Variants in SERPINB8 observed in about 807,000 individuals in gnomAD.
SERPINB8 encodes serpin family B member 8, also known as serpin B8.
Under a neutral mutation model 35.3 loss-of-function variants are expected in SERPINB8, and 25 were observed. The observed-to-expected ratio is 0.71, with a 90% CI of 0.52 to 0.99. SERPINB8 has a LOEUF of 0.99. Ranked by LOEUF, SERPINB8 falls within the 50% of genes least tolerant of loss-of-function variation. The probability of loss-of-function intolerance (pLI) is 0.00; values close to 1 mark genes in which losing one functional copy is unlikely to be tolerated. For synonymous variants in SERPINB8, 186 were observed against 160.8 expected (o/e 1.16, Z -1.19); for missense variants, 484 against 446.5 (o/e 1.08, Z -0.76).
Position 63,987,291 on chromosome 18 carries a change from G to T in SERPINB8, c.*13G>T. On this transcript the variant is annotated 3_prime_UTR_variant, in exon 7 of 7. Transcript: ENST00000397985. ...CTCTTCTCCGTAAAGAGGAGCAATTGCTGTACATACCCTCCTTTCCTTCTA... is the reference window on the plus strand; with the variant it reads ...CTCTTCTCCGTAAAGAGGAGCAATTTCTGTACATACCCTCCTTTCCTTCTA... The T allele has an allele frequency of 6.2e-7, 1 of 1,601,584 alleles. No homozygotes were observed. The highest frequency in any genetic ancestry group is 8.5e-7 in the Non-Finnish European group (1 of 1,172,816).
intron 1 of SERPINB8, among the ~76,000 whole-genome samples, chr18:63,971,500 C>T (rs1161281738): frequency 6.6e-6 from 1 of 152,198 alleles, no homozygotes; most frequent in Non-Finnish European, 1.5e-5. Context: ...CAGTGGTTCA[C>T]GACCCACCCT....
intron 1 of SERPINB8, among the ~76,000 whole-genome samples, chr18:64,000,590 G>A (rs1169366263): frequency 6.6e-6 from 1 of 152,166 alleles, no homozygotes; most frequent in Non-Finnish European, 1.5e-5. Flanking sequence ...CATGCCCTGT[G>A]CCTACCTGCA....
downstream of SERPINB8, among the ~76,000 whole-genome samples, chr18:64,006,982 G>T (rs2050902847): frequency 6.6e-6 from 1 of 151,752 alleles, no homozygotes; most frequent in African/African-American, 2.4e-5. Flanking sequence ...AAAAATAAAA[G>T]AAGATACTTA....
chr18:64,011,153 T>C (rs1258961752), intron 7 of SERPINB8, among the ~76,000 whole-genome samples: 1 of 152,018 alleles, frequency 6.6e-6, no homozygotes, highest in Non-Finnish European at 1.5e-5. Context: ...GACAAAAATC[T>C]TTTAGATTGG....
intron 1 of SERPINB8, among the ~76,000 whole-genome samples, chr18:64,003,261 T>C: frequency 6.6e-6 from 1 of 151,890 alleles, no homozygotes; most frequent in East Asian, 1.9e-4. Flanking sequence ...GTTTGCCTGG[T>C]AGAGGAGCTG....
At chr18:64,015,132 G>A (rs990196296) in intron 7 of SERPINB8, among the ~76,000 whole-genome samples, 1 of 152,088 alleles carries the variant, frequency 6.6e-6, no homozygotes, top group African/African-American at 2.4e-5. Context: ...TTGTCCCTGT[G>A]GCTGTTGTCA....
downstream of SERPINB8, among the ~76,000 whole-genome samples, chr18:63,994,054 A>T (rs2050837030): frequency 6.6e-6 from 1 of 151,850 alleles, no homozygotes; most frequent in Non-Finnish European, 1.5e-5. Flanking sequence ...TCCTTCCCCC[A>T]TCCCATCCCT....
At chr18:64,005,172 A>G (rs1385102903) in exon 2 of SERPINB8, 1 of 246,990 alleles carries the variant, frequency 4.0e-6, no homozygotes, top group African/African-American at 2.2e-5. Context: ...CAACTCTACC[A>G]AAGTAGGTAA....
At chr18:64,008,890 G>C (rs2050912991), downstream of SERPINB8, among the ~76,000 whole-genome samples, 1 of 152,098 alleles carries the variant, frequency 6.6e-6, no homozygotes, top group Non-Finnish European at 1.5e-5. Flanking sequence ...CAGTGCTTCA[G>C]TCTCCTAATC....
At chr18:64,008,092 A>C (rs2050908713), downstream of SERPINB8, among the ~76,000 whole-genome samples, 1 of 152,214 alleles carries the variant, frequency 6.6e-6, no homozygotes, top group South Asian at 2.1e-4. Context: ...AACATTTAAA[A>C]ATGAATTTTT....
At chr18:63,975,446 A>G (rs2050566565) in intron 1 of SERPINB8, among the ~76,000 whole-genome samples, 1 of 152,198 alleles carries the variant, frequency 6.6e-6, no homozygotes, top group Admixed American at 6.5e-5. Flanking sequence ...GAGAGGTCTT[A>G]TGATGTGAGG....
At chr18:64,004,176 T>C (rs1316987208) in intron 1 of SERPINB8, among the ~76,000 whole-genome samples, 1 of 152,190 alleles carries the variant, frequency 6.6e-6, no homozygotes, top group Non-Finnish European at 1.5e-5. Context: ...AAGACAATAG[T>C]GGTAATTTTA....
intron 6 of SERPINB8, chr18:63,986,171 C>T (rs531618180): frequency 3.3e-6 from 4 of 1,200,630 alleles, no homozygotes; most frequent in Non-Finnish European, 4.9e-6. Context: ...AGAGGAGTAC[C>T]CACCTGGGCT....
intron 7 of SERPINB8, among the ~76,000 whole-genome samples, chr18:64,017,957 A>G (rs756742870): frequency 1.8e-4 from 28 of 152,240 alleles, no homozygotes; most frequent in Non-Finnish European, 3.7e-4. Context: ...TTAGAGCTAC[A>G]TTACAAACCA....
chr18:63,979,770 G>A (rs369466143), intron 2 of SERPINB8, 31 bp from the exon 3 acceptor site: 281 of 1,613,078 alleles, frequency 1.7e-4, no homozygotes, highest in Non-Finnish European at 2.3e-4. Flanking sequence ...TAATGGCAGC[G>A]TTAAAAGTCA....
intron 1 of SERPINB8, among the ~76,000 whole-genome samples, chr18:64,001,903 G>C (rs2050877308): frequency 1.3e-5 from 2 of 152,160 alleles, no homozygotes; most frequent in African/African-American, 4.8e-5. Flanking sequence ...GACAGGTCTG[G>C]GAAACGCTTT....
Position 63,985,258 on chromosome 18 carries a change from C to A in SERPINB8, c.720+13C>A. On this transcript the variant is annotated intron_variant, in intron 6 of 6. Transcript: ENST00000397985. ...GGACCTCGCCGTGGTAAGCTCCAGG[C>A]AATGAGCCTGAGTATCTGTGGAGTC... The A allele has an allele frequency of 6.2e-7, 1 of 1,613,754 alleles. No homozygotes were observed.
chr18:63,992,836 A>C (rs2050831337), downstream of SERPINB8, among the ~76,000 whole-genome samples: 1 of 147,012 alleles, frequency 6.8e-6, no homozygotes, highest in Non-Finnish European at 1.6e-5. Flanking sequence ...AAGAGATAGC[A>C]AAAAAAGTGG....
chr18:63,991,782 G>A (rs750205279), downstream of SERPINB8, among the ~76,000 whole-genome samples: 211 of 152,218 alleles, frequency 1.4e-3, no homozygotes, highest in Non-Finnish European at 2.0e-3. Context: ...ATCATTAAAC[G>A]TGATATTAGC....
Sources: allele counts gnomAD v4.1 joint callset (sites outside exome capture counted in the v4.1 genomes callset), GRCh38; gene constraint gnomAD v4.1.1; transcripts MANE v1.5; gene names NCBI Gene and HGNC (gene_info 2026-07-23, HGNC 2026-07-21).